The following KIF3B variants were observed in gnomAD, a reference collection of about 807,000 sequenced individuals.
KIF3B encodes kinesin family member 3B.
A neutral mutation model predicts 74.3 loss-of-function variants in KIF3B; 38 were observed. That is an observed-to-expected ratio of 0.51 (90% CI 0.39 to 0.67). KIF3B has a LOEUF of 0.67. Ranked by LOEUF, KIF3B falls within the 30% of genes least tolerant of loss-of-function variation. KIF3B has a pLI of 0.00. For synonymous variants in KIF3B, 326 were observed against 342.5 expected (o/e 0.95, Z 0.53); for missense variants, 649 against 932.0 (o/e 0.70, Z 3.95).
At chr20:32,330,087 C>A in intron 7 of KIF3B, 54 bp from the exon 8 acceptor site, 1 of 1,527,646 alleles carries the variant, frequency 6.5e-7, no homozygotes, top group Non-Finnish European at 8.9e-7. Context: ...ATTGCTTGTA[C>A]TGCCTGTGTC....
chr20:32,323,560 GCCC>G (rs2047887603), intron 5 of KIF3B, among the ~76,000 whole-genome samples: 1 of 151,392 alleles, frequency 6.6e-6, no homozygotes, highest in African/African-American at 2.4e-5. Context: ...GAGCCACCAC[GCCC>G]AGCCAATTCT....
chr20:32,316,602 A>T lies in KIF3B; in HGVS notation c.1582A>T (p.Ser528Cys), dbSNP rs938706099. The T allele has an allele frequency of 1.9e-6, 3 of 1,614,152 alleles. No individual in the cohort carries two copies. The highest frequency in any genetic ancestry group is 2.5e-6 in the Non-Finnish European group (3 of 1,180,022). ...EETLELKETY[S>C]SLQQEVDIKT... is the part of the protein sequence containing the mutation. ...GACCTTGGAACTTAAAGAGACATAC[A>T]GCTCATTGCAGCAAGAGGTGGACAT... is the stretch of plus-strand genomic sequence containing the variant. Residue 528 changes from serine (S) to cysteine (C), a missense_variant, in exon 4 of 9, where the codon AGC (serine) becomes TGC (cysteine). Physicochemically the swap from Ser to Cys is moderately radical, Grantham distance 112 (BLOSUM62 -1). This residue lies in a region of KIF3B where 363 missense variants were observed against 592.8 expected (regional missense o/e 0.61). Coordinates refer to ENST00000375712, the MANE Select transcript of KIF3B (RefSeq NM_004798.4).
intron 1 of KIF3B, among the ~76,000 whole-genome samples, chr20:32,308,567 C>T (rs1251022545): frequency 6.6e-6 from 1 of 152,026 alleles, no homozygotes; most frequent in Non-Finnish European, 1.5e-5. Flanking sequence ...CCCACCACCA[C>T]GCCCAGCCAA....
rs147307208 is a variant in KIF3B at position 32,282,384 on chromosome 20, G to T, written c.-66+4619G>T. On this transcript the variant is annotated intron_variant, in intron 1 of 8. Transcript: ENST00000375712. Reference sequence around the variant, plus strand: ...TGATGAAAGGACTTTTTGGTAAGGGGCCCTATGAGGAAGAATTATTCATAG... The same window carrying T: ...TGATGAAAGGACTTTTTGGTAAGGGTCCCTATGAGGAAGAATTATTCATAG... 3.0e-4 allele frequency among the ~76,000 whole-genome samples: 46 copies of T among 152,234 alleles called. 2 individuals carry two copies. The East Asian group carries it at 6.4e-3, about 21-fold the overall frequency.
At chr20:32,289,170 A>G (rs920556112) in intron 1 of KIF3B, among the ~76,000 whole-genome samples, 8 of 149,572 alleles carry the variant, frequency 5.3e-5, no homozygotes, top group Non-Finnish European at 1.2e-4. Flanking sequence ...TGTGTCAAGA[A>G]TACTGTATTT....
At chr20:32,325,737 G>A (rs536256264) in intron 5 of KIF3B, among the ~76,000 whole-genome samples, 1 of 128,028 alleles carries the variant, frequency 7.8e-6, no homozygotes, top group Non-Finnish European at 1.6e-5. Context: ...GTGTGATCTC[G>A]GCTCACTGCA....
chr20:32,309,747 T>G lies in KIF3B; in HGVS notation c.-31T>G. On this transcript the variant is annotated 5_prime_UTR_variant, in exon 2 of 9. Coordinates refer to ENST00000375712, the MANE Select transcript of KIF3B (RefSeq NM_004798.4). ...ATCCTGAGACATTTTGAATTGACAC[T>G]TCTCAAGATTTGACTGGATCAGAGT... 1 of 1,587,912 alleles carries G rather than the reference T, an allele frequency of 6.3e-7. No homozygotes were observed.
At chr20:32,319,791 GC>G in intron 5 of KIF3B, among the ~76,000 whole-genome samples, 1 of 151,378 alleles carries the variant, frequency 6.6e-6, no homozygotes, top group South Asian at 2.1e-4. Flanking sequence ...TCACCATGTT[GC>G]CCAGGCTGGT....
Position 32,331,424 on chromosome 20 carries a change from C to A in KIF3B, c.*105C>A. The A allele has an allele frequency of 2.3e-6, 2 of 876,056 alleles. No individual in the cohort carries two copies. The highest frequency in any genetic ancestry group is 2.5e-5 in the East Asian group (1 of 39,872). 54.3% of individuals were successfully genotyped at this position (876,056 alleles called of 1,614,324 possible). On this transcript the variant is annotated 3_prime_UTR_variant, in exon 9 of 9. Coordinates refer to ENST00000375712, the MANE Select transcript of KIF3B (RefSeq NM_004798.4). ...TCGGCCCAAACTCAGAACTGTTCCCCTGAGGAGAAGCGGTGGCCTCTTTGC... is the reference window on the plus strand; with the variant it reads ...TCGGCCCAAACTCAGAACTGTTCCCATGAGGAGAAGCGGTGGCCTCTTTGC...
chr20:32,289,360 A>G (rs1371031203), intron 1 of KIF3B, among the ~76,000 whole-genome samples: 1 of 151,926 alleles, frequency 6.6e-6, no homozygotes, highest in Non-Finnish European at 1.5e-5. Flanking sequence ...TGCCCGGCTA[A>G]TTTTTGTATT....
Position 32,310,440 on chromosome 20 carries a change from C to T in KIF3B, c.663C>T (p.Ile221=), listed in dbSNP as rs866834295. ...HSSRSHAIFV[I]TIECSEVGLD... is the part of the protein sequence containing the mutation. ...CGCGTTCTCATGCAATTTTCGTTAT[C>T]ACTATTGAGTGCAGCGAGGTGGGCC... Residue 221 remains isoleucine (I), a synonymous_variant, in exon 2 of 9, where the codon ATC becomes ATT. Coordinates refer to ENST00000375712, the MANE Select transcript of KIF3B (RefSeq NM_004798.4). The surrounding 1 kb of genome is among the most constrained non-coding windows in gnomAD (Gnocchi z 6.5). The T allele has an allele frequency of 1.2e-6, 2 of 1,614,146 alleles. No homozygotes were observed. Among genetic ancestry groups the T allele is most frequent in the Non-Finnish European group, 1.7e-6 (2 of 1,180,044 alleles).
chr20:32,277,713 CCG>C lies in KIF3B; in HGVS notation c.-116_-115del. On this transcript the variant is annotated 5_prime_UTR_variant, in exon 1 of 9. The change abolishes the stop of an existing upstream ORF in the 5' untranslated region. Coordinates refer to ENST00000375712, the MANE Select transcript of KIF3B (RefSeq NM_004798.4). ...AGCCAGGGGTTCGCCGCCCCCGCCGCCGCCGCCGCCGCCGCCGCCGCCGCCGC... is the reference window on the plus strand; with the variant it reads ...AGCCAGGGGTTCGCCGCCCCCGCCGCCCGCCGCCGCCGCCGCCGCCGCCGC... 3 of 262,532 alleles carry C rather than the reference CCG, an allele frequency of 1.1e-5. No individual in the cohort carries two copies. The highest frequency in any genetic ancestry group is 1.3e-3 in the Middle Eastern group (1 of 774). 16.3% of individuals were successfully genotyped at this position (262,532 alleles called of 1,614,324 possible). A position where few individuals can be genotyped will look rare whatever the true frequency, so the allele number is the denominator to read the frequency against.
chr20:32,333,590 A>G lies in KIF3B; in HGVS notation c.*2271A>G, dbSNP rs923411075. On this transcript the variant is annotated 3_prime_UTR_variant, in exon 9 of 9. Coordinates refer to ENST00000375712, the MANE Select transcript of KIF3B (RefSeq NM_004798.4). ...GGAGGTTGCAGTGAGTCGAGATAACACTACTGCATTCCAGCCTGGGTGACA... is the reference window on the plus strand; with the variant it reads ...GGAGGTTGCAGTGAGTCGAGATAACGCTACTGCATTCCAGCCTGGGTGACA... 7.3e-6 allele frequency: 1 copy of G among 137,924 alleles called. No individual in the cohort carries two copies. Among genetic ancestry groups the G allele is most frequent in the Admixed American group, 8.0e-5 (1 of 12,458 alleles). The allele number at this position is 137,924 out of a possible 1,614,324, so 8.5% of individuals were successfully genotyped here. A position where few individuals can be genotyped will look rare whatever the true frequency, so the allele number is the denominator to read the frequency against.
At chr20:32,299,842 G>A (rs933822783) in intron 1 of KIF3B, among the ~76,000 whole-genome samples, 2 of 152,102 alleles carry the variant, frequency 1.3e-5, no homozygotes, top group East Asian at 1.9e-4. Context: ...AGGCTGGAGT[G>A]CAGTGGTGTG....
At chr20:32,322,658 A>G (rs2047867827) in intron 5 of KIF3B, among the ~76,000 whole-genome samples, 1 of 61,278 alleles carries the variant, frequency 1.6e-5, no homozygotes, top group Non-Finnish European at 2.5e-5. Flanking sequence ...ATTTTTATAT[A>G]TTTATATATA....
intron 5 of KIF3B, 70 bp downstream of exon 5, chr20:32,316,944 A>C: frequency 1.7e-6 from 2 of 1,205,046 alleles, no homozygotes. Context: ...GTTTAGTTAG[A>C]AACAGCCCTG....
chr20:32,304,911 TG>T lies in KIF3B; in HGVS notation c.-65-4799del, dbSNP rs201604839. 1.9e-3 allele frequency among the ~76,000 whole-genome samples: 290 copies of T among 149,296 alleles called. 7 individuals carry two copies. The East Asian group carries it at 0.051, about 26-fold the overall frequency. On this transcript the variant is annotated intron_variant, in intron 1 of 8. Coordinates refer to ENST00000375712, the MANE Select transcript of KIF3B (RefSeq NM_004798.4). Reference sequence around the variant, plus strand: ...ATCCCACCACTTTGGGAGGCTGAGGTGGGTGGATCACCTGAGGTCAGGAGTT... The same window carrying T: ...ATCCCACCACTTTGGGAGGCTGAGGTGGTGGATCACCTGAGGTCAGGAGTT...
At chr20:32,316,193 G>A in intron 2 of KIF3B, 25 bp from the exon 3 acceptor site, 1 of 1,285,876 alleles carries the variant, frequency 7.8e-7, no homozygotes, top group Non-Finnish European at 1.1e-6. Flanking sequence ...TTCATGAGAT[G>A]GATTCTACTT....
intron 1 of KIF3B, among the ~76,000 whole-genome samples, chr20:32,295,323 C>T (rs1180654853): frequency 1.3e-5 from 2 of 151,356 alleles, no homozygotes; most frequent in East Asian, 2.0e-4. Flanking sequence ...GACAGAATCT[C>T]GCTCTGTCGC....
Sources: gnomAD v4.1 joint callset for allele counts (sites outside exome capture counted in the v4.1 genomes callset) on GRCh38, gnomAD v4.1.1 for gene constraint, gnomAD v4.1.1 regional missense constraint, Gnocchi (gnomAD v3.1) non-coding constraint, MANE v1.5 for transcripts, NCBI Gene and HGNC (gene_info 2026-07-23, HGNC 2026-07-21) for gene names.